COL12A1: variants seen among roughly 807,000 people sequenced by gnomAD.
COL12A1 encodes the protein collagen alpha-1(XII) chain.
Under a neutral mutation model 349.7 loss-of-function variants are expected in COL12A1, and 114 were observed. The ratio of observed to expected loss-of-function variants is 0.33; its 90% CI spans 0.28 to 0.38. The LOEUF (loss-of-function observed/expected upper bound fraction) is 0.38. COL12A1 is among the 10% of genes least tolerant of loss of function. The probability of loss-of-function intolerance (pLI) is 1.00; values close to 1 mark genes in which losing one functional copy is unlikely to be tolerated. For synonymous variants in COL12A1, 1,369 were observed against 1,329.0 expected (o/e 1.03, Z -0.66); for missense variants, 3,284 against 3,756.9 (o/e 0.87, Z 3.29).
intron 33 of COL12A1, among the ~76,000 whole-genome samples, 189 bp from the exon 34 acceptor site, chr6:75,133,611 A>G (rs1766424009): frequency 6.6e-6 from 1 of 152,094 alleles, no homozygotes; most frequent in African/African-American, 2.4e-5. Flanking sequence ...CCAGCCATCC[A>G]ATACTCCCCA....
intron 13 of COL12A1, among the ~76,000 whole-genome samples, chr6:75,166,013 C>G (rs547746258): frequency 6.6e-6 from 1 of 152,052 alleles, no homozygotes; most frequent in East Asian, 1.9e-4. Context: ...CCTCATATGC[C>G]TAGTCAGATA....
intron 17 of COL12A1, among the ~76,000 whole-genome samples, chr6:75,153,546 C>T: frequency 6.6e-6 from 1 of 152,030 alleles, no homozygotes; most frequent in East Asian, 1.9e-4. Context: ...CAAAAGAAAT[C>T]ATTGGAAAAA....
chr6:75,106,677 G>A, intron 52 of COL12A1, among the ~76,000 whole-genome samples, 181 bp from the exon 53 acceptor site: 1 of 152,114 alleles, frequency 6.6e-6, no homozygotes. Context: ...ACGAGAAAGA[G>A]ATAGAAAAGT....
At chr6:75,172,411 G>A (rs1768683716) in intron 13 of COL12A1, among the ~76,000 whole-genome samples, 1 of 152,068 alleles carries the variant, frequency 6.6e-6, no homozygotes. Flanking sequence ...AATACCAGAA[G>A]GCTAAAAGGC....
At chr6:75,146,303 C>G in intron 23 of COL12A1, 59 bp from the exon 24 acceptor site, 1 of 1,493,294 alleles carries the variant, frequency 6.7e-7, no homozygotes, top group South Asian at 1.4e-5. Flanking sequence ...TCATTTTTAA[C>G]CATTGTTTTG....
chr6:75,167,263 A>C lies in COL12A1; in HGVS notation c.2711-1484T>G, dbSNP rs1768356728. Among the ~76,000 whole-genome samples the C allele has an allele frequency of 2.0e-5, 3 of 152,134 alleles. No homozygotes were observed. The South Asian group carries it at 6.2e-4, about 31-fold the overall frequency. On this transcript the variant is annotated intron_variant, in intron 13 of 65. Transcript: ENST00000322507. ...TGTTTTTTATTTGTTTTGATAATCG[A>C]TATCCCAACAACTAGTCTCTAAGTT... is the stretch of plus-strand genomic sequence containing the variant.
At chr6:75,100,891 T>G (rs1431775843) in intron 58 of COL12A1, among the ~76,000 whole-genome samples, 2 of 152,224 alleles carry the variant, frequency 1.3e-5, no homozygotes, top group African/African-American at 2.4e-5. Flanking sequence ...AGTCATTAGT[T>G]CCTTTGTTCT....
intron 41 of COL12A1, 29 bp downstream of exon 41, chr6:75,124,226 G>C: frequency 1.2e-6 from 2 of 1,603,144 alleles, no homozygotes; most frequent in Non-Finnish European, 1.7e-6. Context: ...ACATGCTCCA[G>C]ATCATTTTTT....
chr6:75,095,240 A>G, intron 59 of COL12A1, 61 bp from the exon 60 acceptor site: 1 of 1,262,754 alleles, frequency 7.9e-7, no homozygotes, highest in Non-Finnish European at 1.1e-6. Context: ...ATCTAAAGTA[A>G]ATGAATACAG....
chr6:75,152,549 A>G, intron 17 of COL12A1, 67 bp from the exon 18 acceptor site: 2 of 1,556,514 alleles, frequency 1.3e-6, no homozygotes, highest in Non-Finnish European at 1.8e-6. Context: ...TCCTTGTCAC[A>G]CCTCTACCAC....
At chr6:75,146,583 A>G (rs1180146584) in intron 23 of COL12A1, among the ~76,000 whole-genome samples, 1 of 152,200 alleles carries the variant, frequency 6.6e-6, no homozygotes, top group African/African-American at 2.4e-5. Context: ...GACTATTTCT[A>G]TTCTTCAATC....
chr6:75,119,547 G>C (rs576125218), intron 44 of COL12A1, 74 bp from the exon 45 acceptor site: 4 of 1,522,912 alleles, frequency 2.6e-6, no homozygotes, highest in Non-Finnish European at 3.5e-6. Flanking sequence ...TGATTCTCTA[G>C]CTGCGGAATA....
intron 1 of COL12A1, among the ~76,000 whole-genome samples, chr6:75,204,386 G>GT (rs1349152277): frequency 1.3e-5 from 2 of 152,016 alleles, no homozygotes; most frequent in African/African-American, 4.8e-5. Flanking sequence ...AACCTGAGTG[G>GT]TAACACTTTT....
intron 14 of COL12A1, among the ~76,000 whole-genome samples, chr6:75,157,712 C>T (rs1767831639): frequency 6.6e-6 from 1 of 152,042 alleles, no homozygotes; most frequent in East Asian, 1.9e-4. Context: ...TGAGAGAGTG[C>T]CACAGAGAAA....
chr6:75,146,448 C>T (rs189278879), intron 23 of COL12A1, among the ~76,000 whole-genome samples: 34 of 152,282 alleles, frequency 2.2e-4, no homozygotes, highest in African/African-American at 7.9e-4. Flanking sequence ...CAAGACTGCA[C>T]GTTACCACTA....
At position 75,090,874 on chromosome 6, in the gene COL12A1, G is replaced by A. The variant is rs1013232239; in HGVS notation, c.8752+449C>T. Among the ~76,000 whole-genome samples the A allele has an allele frequency of 1.3e-5, 2 of 152,212 alleles. No individual in the cohort carries two copies. Among genetic ancestry groups the A allele is most frequent in the African/African-American group, 4.8e-5 (2 of 41,452 alleles). ...AACATTGATTAAGACTTCTCTAAGA[G>A]TGAGTTATGGGTTTAAGGCCCACAC... is the stretch of plus-strand genomic sequence containing the variant. On this transcript the variant is annotated intron_variant, in intron 62 of 65. Transcript: ENST00000322507. This position sits in a 1 kb window ranked among gnomAD's most constrained non-coding sequence, Gnocchi z 4.1.
At position 75,191,776 on chromosome 6, in the gene COL12A1, AT is replaced by A; in HGVS notation, c.335-17del. The A allele has an allele frequency of 6.4e-7, 1 of 1,554,220 alleles. No individual in the cohort carries two copies. The highest frequency in any genetic ancestry group is 8.7e-7 in the Non-Finnish European group (1 of 1,148,466). Reference sequence around the variant, plus strand: ...CCTGTTTGAACTAAGTTAAAACTTTATTATTACAAAAGGAAATGAACCCAAG... The same window carrying A: ...CCTGTTTGAACTAAGTTAAAACTTTATATTACAAAAGGAAATGAACCCAAG... On this transcript the variant is annotated splice_polypyrimidine_tract_variant and intron_variant, in intron 4 of 65. Coordinates refer to ENST00000322507, the MANE Select transcript of COL12A1 (RefSeq NM_004370.6).
chr6:75,157,836 G>A (rs1767836120), intron 14 of COL12A1, among the ~76,000 whole-genome samples: 1 of 152,048 alleles, frequency 6.6e-6, no homozygotes, highest in African/African-American at 2.4e-5. Context: ...GCTCACACAG[G>A]GTTAGAAATG....
chr6:75,172,050 T>C (rs1049733842), intron 13 of COL12A1, among the ~76,000 whole-genome samples: 4 of 152,232 alleles, frequency 2.6e-5, no homozygotes, highest in African/African-American at 9.6e-5. Flanking sequence ...TTCCTTCTTC[T>C]CAGGAAATAG....
Sources: gnomAD v4.1 joint callset for allele counts (sites outside exome capture counted in the v4.1 genomes callset) on GRCh38, gnomAD v4.1.1 for gene constraint, Gnocchi (gnomAD v3.1) non-coding constraint, MANE v1.5 for transcripts, NCBI Gene and HGNC (gene_info 2026-07-23, HGNC 2026-07-21) for gene names.